Variants in CPXM2 observed in about 807,000 individuals in gnomAD.
CPXM2 encodes the protein inactive carboxypeptidase-like protein X2.
Under a neutral mutation model 86.1 loss-of-function variants are expected in CPXM2, and 66 were observed. The ratio of observed to expected loss-of-function variants is 0.77; its 90% CI spans 0.63 to 0.94. CPXM2 has a LOEUF of 0.94. Among genes scored for constraint, CPXM2 ranks in the 40% least tolerant of loss-of-function variants. CPXM2 has a pLI of 0.00. For missense variants in CPXM2, 948 were observed against 1,026.3 expected (o/e 0.92, Z 1.04); for synonymous variants, 388 against 400.2 (o/e 0.97, Z 0.36).
At chr10:123,828,811 A>G (rs1316030214) in intron 4 of CPXM2, among the ~76,000 whole-genome samples, 1 of 152,260 alleles carries the variant, frequency 6.6e-6, no homozygotes, top group Non-Finnish European at 1.5e-5. Flanking sequence ...GGCTTGATAA[A>G]AGAAATTCTT....
chr10:123,804,838 CTTTT>C (rs1442270599), intron 4 of CPXM2, among the ~76,000 whole-genome samples: 1 of 152,006 alleles, frequency 6.6e-6, no homozygotes, highest in Admixed American at 6.5e-5. Context: ...TACTTTTTTT[CTTTT>C]TTTGTTTGTT....
intron 4 of CPXM2, among the ~76,000 whole-genome samples, chr10:123,824,180 T>C (rs541545690): frequency 6.6e-6 from 1 of 152,342 alleles, no homozygotes; most frequent in South Asian, 2.1e-4. Context: ...TGGAAGTTTA[T>C]GTGAATAAAA....
At chr10:123,750,641 G>T in intron 13 of CPXM2, 1 of 964,146 alleles carries the variant, frequency 1.0e-6, no homozygotes, top group Non-Finnish European at 1.2e-6. Flanking sequence ...ACTTTTAGAG[G>T]TCATATTTGT....
intron 3 of CPXM2, among the ~76,000 whole-genome samples, chr10:123,848,797 T>C (rs536630829): frequency 6.6e-6 from 1 of 152,334 alleles, no homozygotes; most frequent in East Asian, 1.9e-4. Flanking sequence ...GCAGGTCAAG[T>C]GCAAGTCCTC....
At chr10:123,785,733 C>A (rs1476780085) in intron 6 of CPXM2, among the ~76,000 whole-genome samples, 2 of 151,258 alleles carry the variant, frequency 1.3e-5, no homozygotes, top group Non-Finnish European at 2.9e-5. Context: ...CCCGGGTTCA[C>A]GCCATTCTCC....
At chr10:123,783,553 G>C (rs1347977777) in intron 6 of CPXM2, among the ~76,000 whole-genome samples, 9 of 152,190 alleles carry the variant, frequency 5.9e-5, no homozygotes, top group Non-Finnish European at 1.2e-4. Context: ...AGCCCTTGGA[G>C]GGTAGGATGT....
At chr10:123,778,868 T>C (rs1189230222) in intron 7 of CPXM2, among the ~76,000 whole-genome samples, 1 of 152,106 alleles carries the variant, frequency 6.6e-6, no homozygotes, top group Non-Finnish European at 1.5e-5. Flanking sequence ...CCAAACACAT[T>C]CTCTTGATTT....
chr10:123,935,974 CCAT>C (rs1452365956), intron 2 of CPXM2, among the ~76,000 whole-genome samples: 2 of 150,552 alleles, frequency 1.3e-5, no homozygotes, highest in African/African-American at 2.5e-5. Flanking sequence ...ACCATCATCA[CCAT>C]CATCACTACC....
intron 11 of CPXM2, among the ~76,000 whole-genome samples, chr10:123,760,811 T>G (rs1233226415): frequency 6.6e-6 from 1 of 152,206 alleles, no homozygotes; most frequent in African/African-American, 2.4e-5. Flanking sequence ...TTCATCATCA[T>G]GCCCGTTTTT....
At chr10:123,857,407 G>GA (rs1345005376) in intron 3 of CPXM2, among the ~76,000 whole-genome samples, 1 of 151,944 alleles carries the variant, frequency 6.6e-6, no homozygotes. Context: ...GCAGAAGACT[G>GA]AAAAAAATTA....
At chr10:123,878,437 C>T (rs1162765397) in intron 2 of CPXM2, among the ~76,000 whole-genome samples, 1 of 150,516 alleles carries the variant, frequency 6.6e-6, no homozygotes, top group Non-Finnish European at 1.5e-5. Flanking sequence ...AAGCCAAAGC[C>T]ATGGGAGCAA....
At chr10:123,786,304 G>A (rs1457014453) in intron 6 of CPXM2, among the ~76,000 whole-genome samples, 1 of 152,176 alleles carries the variant, frequency 6.6e-6, no homozygotes, top group African/African-American at 2.4e-5. Context: ...ACACGCTTCT[G>A]TAGACAGAGA....
intron 3 of CPXM2, among the ~76,000 whole-genome samples, chr10:123,857,486 T>C (rs1323029478): frequency 2.6e-5 from 4 of 151,784 alleles, no homozygotes; most frequent in African/African-American, 4.8e-5. Context: ...TAAATACAGC[T>C]GTAATTATAG....
intron 13 of CPXM2, chr10:123,750,981 C>T (rs1298031130): frequency 1.0e-6 from 1 of 985,246 alleles, no homozygotes; most frequent in African/African-American, 1.7e-5. Flanking sequence ...GGCTGTTGTC[C>T]CCATGAGTGC....
rs1945261976 is a variant in CPXM2, at chr10:123,891,203, G to A, written c.304+153C>T. ...GAAGCTGGGCGGGCCGGCAGGAAGC[G>A]CAGATACAGTCCCTAGGGAGGCAGA... On this transcript the variant is annotated intron_variant, in intron 1 of 13. Coordinates refer to ENST00000241305, the MANE Select transcript of CPXM2 (RefSeq NM_198148.3). The surrounding 1 kb of genome is among the most constrained non-coding windows in gnomAD (Gnocchi z 5.6). Among the ~76,000 whole-genome samples, 1 of 152,260 alleles carries A rather than the reference G, an allele frequency of 6.6e-6. No homozygotes were observed. Among genetic ancestry groups the A allele is most frequent in the Middle Eastern group, 3.4e-3 (1 of 292 alleles).
At chr10:123,766,033 T>C (rs1463627658) in intron 10 of CPXM2, among the ~76,000 whole-genome samples, 1 of 152,258 alleles carries the variant, frequency 6.6e-6, no homozygotes, top group African/African-American at 2.4e-5. Context: ...AGGTGAGAGT[T>C]AAGCAGAAGT....
rs780774935 is a variant in CPXM2, at chr10:123,766,980, T to C, written c.1472A>G (p.Asn491Ser). 5 of 1,613,014 alleles carry C rather than the reference T, an allele frequency of 3.1e-6. No homozygotes were observed. The highest frequency in any genetic ancestry group is 1.7e-5 in the Admixed American group (1 of 60,008). Residue 491 changes from asparagine to serine, a missense_variant, in exon 10 of 14, where the codon AAT becomes AGT. By Grantham distance (46) the Asn-to-Ser change is conservative. Transcript: ENST00000241305. Reference sequence around the variant, plus strand: ...ACGGGTATTTTGACTCACCGTGGCATTTTCCGACAGAAACCACTCAGGGAT... The same window carrying C: ...ACGGGTATTTTGACTCACCGTGGCACTTTCCGACAGAAACCACTCAGGGAT... The part of the protein sequence containing the change: ...IAIPEWFLSE[N>S]ATVAAETRAV...
At chr10:123,771,720 C>T (rs997155347) in intron 7 of CPXM2, among the ~76,000 whole-genome samples, 5 of 152,222 alleles carry the variant, frequency 3.3e-5, no homozygotes, top group Non-Finnish European at 5.9e-5. Context: ...ATAATCCCCA[C>T]ATGTCATGAA....
rs115402157 is a variant in CPXM2 at position 123,790,161 on chromosome 10, C to T, written c.889+7815G>A. On this transcript the variant is annotated intron_variant, in intron 6 of 13. Coordinates refer to ENST00000241305, the MANE Select transcript of CPXM2 (RefSeq NM_198148.3). ...AAAAAATAAATAGAGAGCAGGGGTG[C>T]GAGCCGGAGTGGCGGGAAAGGTGGT... Among the ~76,000 whole-genome samples the T allele has an allele frequency of 4.3e-3, 650 of 152,190 alleles. 8 individuals carry two copies. Among genetic ancestry groups the T allele is most frequent in the African/African-American group, 0.013 (555 of 41,520 alleles).
Sources: gnomAD v4.1 joint callset for allele counts (sites outside exome capture counted in the v4.1 genomes callset) on GRCh38, gnomAD v4.1.1 for gene constraint, Gnocchi (gnomAD v3.1) non-coding constraint, MANE v1.5 for transcripts, NCBI Gene and HGNC (gene_info 2026-07-23, HGNC 2026-07-21) for gene names.